The following NF1 variants were observed in gnomAD, a reference collection of about 807,000 sequenced individuals.
NF1 encodes the protein neurofibromin 1.
Under a neutral mutation model 325.7 loss-of-function variants are expected in NF1, and 122 were observed. The observed-to-expected ratio is 0.37, with a 90% CI of 0.32 to 0.44. NF1 has a LOEUF of 0.44. Among genes scored for constraint, NF1 ranks in the 20% least tolerant of loss-of-function variants. The probability of loss-of-function intolerance (pLI) is 1.00; values close to 1 mark genes in which losing one functional copy is unlikely to be tolerated. For synonymous variants in NF1, 1,091 were observed against 1,186.0 expected (o/e 0.92, Z 1.65); for missense variants, 2,140 against 3,415.4 (o/e 0.63, Z 9.31).
In NF1 at chr17:31,096,140, C is replaced by G. The variant is rs548281083; in HGVS notation, c.60+771C>G. Among the ~76,000 whole-genome samples, 554 of 151,428 alleles carry G rather than the reference C, an allele frequency of 3.7e-3. 8 individuals are homozygous for G. Among genetic ancestry groups the G allele is most frequent in the African/African-American group, 0.012 (504 of 41,164 alleles). On this transcript the variant is annotated intron_variant, in intron 1 of 57. Coordinates refer to ENST00000358273, the MANE Select transcript of NF1 (RefSeq NM_001042492.3). ...GATAATTGCAGTCTCTTCCCCCCCC[C>G]CTTTTTTTTTTGCCAGCGGTCTGAG...
At position 31,095,041 on chromosome 17, in the gene NF1, G is replaced by C; in HGVS notation, c.-269G>C. On this transcript the variant is annotated 5_prime_UTR_variant, in exon 1 of 58. Coordinates refer to ENST00000358273, the MANE Select transcript of NF1 (RefSeq NM_001042492.3). ...TGGCTGTGGGGAGACGGCGCTAGTGGGGAGAGCGACCAAGAGGCCCCCTCC... is the reference window on the plus strand; with the variant it reads ...TGGCTGTGGGGAGACGGCGCTAGTGCGGAGAGCGACCAAGAGGCCCCCTCC... The C allele has an allele frequency of 1.7e-6, 1 of 586,146 alleles. No individual in the cohort carries two copies. Among genetic ancestry groups the C allele is most frequent in the Admixed American group, 3.0e-5 (1 of 33,336 alleles). The allele number at this position is 586,146 out of a possible 1,614,324, so 36.3% of individuals were successfully genotyped here. A position where few individuals can be genotyped will look rare whatever the true frequency, so the allele number is the denominator to read the frequency against.
intron 23 of NF1, among the ~76,000 whole-genome samples, chr17:31,230,586 A>G (rs1303704372): frequency 2.0e-5 from 3 of 152,142 alleles, no homozygotes; most frequent in African/African-American, 7.2e-5. Context: ...AAACTGTGCT[A>G]TACTTGAGCT....
rs148861026 is a variant in NF1 at position 31,334,922 on chromosome 17, C to T, written c.5897C>T (p.Ala1966Val). The change falls in exon 40 of 58, where the codon GCC (alanine) becomes GTC (valine). Residue 1966 changes from alanine (A) to valine (V), a missense_variant. Physicochemically the swap from Ala to Val is moderately conservative, Grantham distance 64. Transcript: ENST00000358273. ...CGTTTTTGCAAGCATAATGATGATG[C>T]CAAACGACAAAGAGTTACTGCTATT... The part of the protein sequence containing the change: ...LVRFCKHNDD[A>V]KRQRVTAILD... 2 of 1,613,440 alleles carry T rather than the reference C, an allele frequency of 1.2e-6. No individual in the cohort carries two copies. The highest frequency in any genetic ancestry group is 2.7e-5 in the African/African-American group (2 of 74,772).
chr17:31,186,902 A>G (rs1013177805), intron 8 of NF1, among the ~76,000 whole-genome samples: 1 of 152,192 alleles, frequency 6.6e-6, no homozygotes, highest in Non-Finnish European at 1.5e-5. Context: ...AGAGACCAAC[A>G]CTGAGCCCTT....
intron 36 of NF1, chr17:31,295,777 A>G: frequency 6.2e-7 from 1 of 1,614,174 alleles, no homozygotes; most frequent in Non-Finnish European, 8.5e-7. Flanking sequence ...TTATTAATGT[A>G]CCTGGAAGAA....
At chr17:31,370,731 G>A (rs1318241247) in intron 57 of NF1, among the ~76,000 whole-genome samples, 2 of 152,140 alleles carry the variant, frequency 1.3e-5, no homozygotes, top group African/African-American at 2.4e-5. Context: ...TCTAGTAGTA[G>A]CAAGACACAC....
intron 39 of NF1, 155 bp from the exon 40 acceptor site, chr17:31,334,683 C>T (rs1567615589): frequency 1.5e-6 from 1 of 650,562 alleles, no homozygotes; most frequent in Non-Finnish European, 2.7e-6. Context: ...TTCTTCGCCT[C>T]TACAAAAATA....
At chr17:31,275,921 G>A (rs1432054777) in intron 36 of NF1, among the ~76,000 whole-genome samples, 2 of 152,008 alleles carry the variant, frequency 1.3e-5, no homozygotes, top group Non-Finnish European at 2.9e-5. Context: ...CACAGGGCCA[G>A]TTATAAAGAA....
chr17:31,319,355 C>T (rs2151528343), intron 36 of NF1, among the ~76,000 whole-genome samples: 1 of 150,894 alleles, frequency 6.6e-6, no homozygotes, highest in South Asian at 2.1e-4. Flanking sequence ...TCTGCTTTTA[C>T]TTTTCTGATT....
intron 1 of NF1, among the ~76,000 whole-genome samples, chr17:31,154,447 T>C (rs978538585): frequency 6.6e-6 from 1 of 152,128 alleles, no homozygotes; most frequent in African/African-American, 2.4e-5. Context: ...AAAGGAGATA[T>C]GGTCACAAAG....
intron 29 of NF1, among the ~76,000 whole-genome samples, 162 bp downstream of exon 29, chr17:31,236,183 CTG>C (rs1426274274): frequency 2.6e-5 from 4 of 151,620 alleles, no homozygotes; most frequent in Non-Finnish European, 4.4e-5. Context: ...TTAATGATAT[CTG>C]TAATTTTTTT....
chr17:31,135,763 C>G (rs983153878), intron 1 of NF1, among the ~76,000 whole-genome samples: 1 of 151,262 alleles, frequency 6.6e-6, no homozygotes, highest in African/African-American at 2.4e-5. Context: ...TTTGTAGGGA[C>G]AGCATCTTAC....
At chr17:31,258,590 A>C (rs2151462514) in intron 32 of NF1, 88 bp downstream of exon 32, 1 of 1,318,658 alleles carries the variant, frequency 7.6e-7, no homozygotes, top group African/African-American at 1.5e-5. Context: ...TTACATTTAT[A>C]TTTGAAATAC....
intron 1 of NF1, among the ~76,000 whole-genome samples, chr17:31,096,879 C>G (rs1159151318): frequency 6.6e-6 from 1 of 152,118 alleles, no homozygotes; most frequent in Non-Finnish European, 1.5e-5. Context: ...TATAATGTTA[C>G]TGCATATAAA....
chr17:31,235,547 T>C lies in NF1; in HGVS notation c.3709-64T>C, dbSNP rs971329573. ...TTGGGTTTACATTTTTGCTACTCTTTAGCTTCCTACCTAAGAATAAAAATG... is the reference window on the plus strand; with the variant it reads ...TTGGGTTTACATTTTTGCTACTCTTCAGCTTCCTACCTAAGAATAAAAATG... On this transcript the variant is annotated intron_variant, in intron 27 of 57. Transcript: ENST00000358273. The C allele has an allele frequency of 3.8e-6, 6 of 1,596,580 alleles. No individual in the cohort carries two copies. The East Asian group carries it at 6.7e-5, about 18-fold the overall frequency.
intron 36 of NF1, among the ~76,000 whole-genome samples, chr17:31,291,810 T>A (rs1457736606): frequency 2.0e-5 from 3 of 152,234 alleles, no homozygotes; most frequent in Admixed American, 1.3e-4. Flanking sequence ...TCTGGGTCCC[T>A]ATTTCACTGA....
intron 1 of NF1, among the ~76,000 whole-genome samples, chr17:31,097,451 C>G (rs531488759): frequency 9.0e-4 from 93 of 102,952 alleles, no homozygotes; most frequent in African/African-American, 3.2e-3. Context: ...GAGCGAGACT[C>G]TTGTCTCCAA....
chr17:31,202,793 TA>T (rs2066553377), intron 11 of NF1, among the ~76,000 whole-genome samples: 1 of 152,186 alleles, frequency 6.6e-6, no homozygotes, highest in African/African-American at 2.4e-5. Flanking sequence ...ATGTTTGTAT[TA>T]AAAACTTAAA....
chr17:31,150,971 G>T lies in NF1; in HGVS notation c.61-5012G>T, dbSNP rs1597619955. ...AATCGCTTCAACCTTGGAAGCAGAG[G>T]TTATGGTGAGCTGAGATTACGCCAC... is the stretch of plus-strand genomic sequence containing the variant. On this transcript the variant is annotated intron_variant, in intron 1 of 57. Coordinates refer to ENST00000358273, the MANE Select transcript of NF1 (RefSeq NM_001042492.3). Among the ~76,000 whole-genome samples, 7 of 151,856 alleles carry T rather than the reference G, an allele frequency of 4.6e-5. 1 individual carries two copies. Among genetic ancestry groups the T allele is most frequent in the Admixed American group, 4.6e-4 (7 of 15,274 alleles).
Sources: allele counts gnomAD v4.1 joint callset (sites outside exome capture counted in the v4.1 genomes callset), GRCh38; gene constraint gnomAD v4.1.1; transcripts MANE v1.5; gene names NCBI Gene and HGNC (gene_info 2026-07-23, HGNC 2026-07-21).